Variants in SLC24A3 observed in about 807,000 individuals in gnomAD.
SLC24A3 encodes the protein solute carrier family 24 member 3.
In SLC24A3, 28 loss-of-function variants were observed where a neutral mutation model predicts 75.8. The ratio of observed to expected loss-of-function variants is 0.37; its 90% CI spans 0.27 to 0.51. SLC24A3 has a LOEUF of 0.51. Ranked by LOEUF, SLC24A3 falls within the 20% of genes least tolerant of loss-of-function variation. SLC24A3 has a pLI of 0.94. For synonymous variants in SLC24A3, 372 were observed against 334.1 expected (o/e 1.11, Z -1.24); for missense variants, 663 against 847.8 (o/e 0.78, Z 2.71).
chr20:19,693,228 T>TTA (rs2032766765), intron 12 of SLC24A3, 31 bp from the exon 13 acceptor site: 2 of 1,586,540 alleles, frequency 1.3e-6, no homozygotes, highest in African/African-American at 2.7e-5. Flanking sequence ...ATTTTTTTTT[T>TTA]ATTTCTTTTT....
chr20:19,665,810 TG>T, intron 7 of SLC24A3, 53 bp from the exon 8 acceptor site: 1 of 1,493,734 alleles, frequency 6.7e-7, no homozygotes, highest in Admixed American at 1.9e-5. Context: ...TGTGTGTGTG[TG>T]TGTGTGTGTG....
intron 2 of SLC24A3, among the ~76,000 whole-genome samples, chr20:19,339,535 C>G (rs1985220849): frequency 6.6e-6 from 1 of 152,178 alleles, no homozygotes; most frequent in Admixed American, 6.5e-5. Flanking sequence ...CAAAGTATGA[C>G]AGTGCTAGAA....
chr20:19,243,738 G>C (rs1013576113), intron 1 of SLC24A3: 4 of 152,304 alleles, frequency 2.6e-5, no homozygotes, highest in South Asian at 2.1e-4. Flanking sequence ...CATCTGCTAG[G>C]GCTGCTTCCT....
chr20:19,469,961 A>G (rs889294013), intron 2 of SLC24A3, among the ~76,000 whole-genome samples: 12 of 152,168 alleles, frequency 7.9e-5, no homozygotes, highest in African/African-American at 2.9e-4. Flanking sequence ...CTGCCCACAT[A>G]GACCTCCTCC....
chr20:19,561,034 G>C (rs1009785485), intron 3 of SLC24A3, among the ~76,000 whole-genome samples: 3 of 152,160 alleles, frequency 2.0e-5, no homozygotes, highest in Non-Finnish European at 4.4e-5. Flanking sequence ...CACTGTGGTA[G>C]CATCTTGAGC....
chr20:19,285,640 C>G (rs1983797496), intron 2 of SLC24A3, among the ~76,000 whole-genome samples: 2 of 149,686 alleles, frequency 1.3e-5, no homozygotes, highest in African/African-American at 2.5e-5. Context: ...TGTTCCAGCT[C>G]TCTGTGAATT....
At chr20:19,650,643 C>A (rs1406970) in intron 6 of SLC24A3, among the ~76,000 whole-genome samples, 97,050 of 151,598 alleles carry the variant, frequency 0.64, 31,830 homozygotes, top group African/African-American at 0.75. Flanking sequence ...TTTAGCCCCC[C>A]CTTCTCACTA....
At chr20:19,477,194 A>C (rs956635194) in intron 2 of SLC24A3, among the ~76,000 whole-genome samples, 1 of 152,090 alleles carries the variant, frequency 6.6e-6, no homozygotes, top group Non-Finnish European at 1.5e-5. Flanking sequence ...GACCTGCCAG[A>C]TGGCAACGAG....
intron 1 of SLC24A3, among the ~76,000 whole-genome samples, chr20:19,262,538 A>G (rs1983026319): frequency 6.6e-6 from 1 of 151,650 alleles, no homozygotes; most frequent in South Asian, 2.1e-4. Context: ...GGGGCCACTT[A>G]CCTCTCCCTG....
In SLC24A3 at chr20:19,222,693, G is replaced by A. The variant is rs560606298; in HGVS notation, c.142+9709G>A. 5.9e-5 allele frequency among the ~76,000 whole-genome samples: 9 copies of A among 152,070 alleles called. No individual in the cohort carries two copies. In the South Asian group the frequency reaches 1.9e-3, roughly 32 times the overall value. On this transcript the variant is annotated intron_variant, in intron 1 of 16. Transcript: ENST00000328041. The stretch of plus-strand genomic sequence containing the variant: ...ACTAAATAATTTATTTAGATATATA[G>A]CAGGACCATCCCAAATTATTTAATC...
chr20:19,354,753 A>T lies in SLC24A3; in HGVS notation c.271+73666A>T, dbSNP rs367939633. Among the ~76,000 whole-genome samples, 7 of 152,192 alleles carry T rather than the reference A, an allele frequency of 4.6e-5. No homozygotes were observed. The East Asian group carries it at 1.4e-3, about 29-fold the overall frequency. On this transcript the variant is annotated intron_variant, in intron 2 of 16. Coordinates refer to ENST00000328041, the MANE Select transcript of SLC24A3 (RefSeq NM_020689.4). ...TACTGCACTAGAGTGGCTTAAGTTT[A>T]AAAGTTGACAATACCAAGTCTTCTC...
At chr20:19,306,504 G>A (rs527947975) in intron 2 of SLC24A3, among the ~76,000 whole-genome samples, 29 of 152,266 alleles carry the variant, frequency 1.9e-4, no homozygotes, top group African/African-American at 6.7e-4. Flanking sequence ...TATATACCAT[G>A]GAATATTACA....
At chr20:19,361,977 C>T (rs1053697259) in intron 2 of SLC24A3, among the ~76,000 whole-genome samples, 3 of 152,076 alleles carry the variant, frequency 2.0e-5, no homozygotes, top group Admixed American at 6.5e-5. Flanking sequence ...AGTCGTATCT[C>T]GTTTTCATGC....
intron 2 of SLC24A3, among the ~76,000 whole-genome samples, chr20:19,396,912 A>C (rs1035441003): frequency 3.3e-5 from 5 of 152,192 alleles, no homozygotes; most frequent in Admixed American, 6.5e-5. Context: ...TTTTCATCTC[A>C]GTCAACAGAA....
chr20:19,560,585 T>C (rs907605532), intron 3 of SLC24A3, among the ~76,000 whole-genome samples: 3 of 152,232 alleles, frequency 2.0e-5, no homozygotes, highest in Non-Finnish European at 4.4e-5. Context: ...TTTTAAACAC[T>C]GGATCACTGC....
At chr20:19,236,165 A>G (rs1234303616) in intron 1 of SLC24A3, among the ~76,000 whole-genome samples, 1 of 152,240 alleles carries the variant, frequency 6.6e-6, no homozygotes, top group East Asian at 1.9e-4. Flanking sequence ...GGGTCTAAAT[A>G]GCATATGGGA....
At chr20:19,561,785 T>C (rs1489221179) in intron 3 of SLC24A3, among the ~76,000 whole-genome samples, 2 of 152,190 alleles carry the variant, frequency 1.3e-5, no homozygotes, top group African/African-American at 4.8e-5. Flanking sequence ...TTTTTCCCAT[T>C]TTACACACAA....
chr20:19,546,169 A>AC, intron 3 of SLC24A3, among the ~76,000 whole-genome samples: 1 of 146,144 alleles, frequency 6.8e-6, no homozygotes, highest in Non-Finnish European at 1.5e-5. Context: ...AAAAAAAAAA[A>AC]AAAAAAAAAA....
At position 19,642,546 on chromosome 20, in the gene SLC24A3, C is replaced by T. The variant is rs899714194; in HGVS notation, c.613-11516C>T. On this transcript the variant is annotated intron_variant, in intron 6 of 16. Coordinates refer to ENST00000328041, the MANE Select transcript of SLC24A3 (RefSeq NM_020689.4). ...GGAAAATGAAGGAGGTGAGGCTGCA[C>T]ATGGAACCCATTCTCCCTTGTCTCA... 7.9e-5 allele frequency among the ~76,000 whole-genome samples: 12 copies of T among 152,302 alleles called. No individual in the cohort carries two copies. In the East Asian group the frequency reaches 2.3e-3, roughly 29 times the overall value.
Sources: allele counts gnomAD v4.1 joint callset (sites outside exome capture counted in the v4.1 genomes callset), GRCh38; gene constraint gnomAD v4.1.1; transcripts MANE v1.5; gene names NCBI Gene and HGNC (gene_info 2026-07-23, HGNC 2026-07-21).